The following BBX variants were observed in gnomAD, a reference collection of about 807,000 sequenced individuals.
The protein encoded by BBX is HMG box transcription factor BBX.
Under a neutral mutation model 100.2 loss-of-function variants are expected in BBX, and 30 were observed. The observed-to-expected ratio is 0.30, with a 90% CI of 0.22 to 0.41. The LOEUF is 0.41. Among genes scored for constraint, BBX ranks in the 10% least tolerant of loss-of-function variants. The pLI is 1.00. For synonymous variants in BBX, 376 were observed against 388.1 expected (o/e 0.97, Z 0.37); for missense variants, 1,023 against 1,129.8 (o/e 0.91, Z 1.35).
At position 107,713,373 on chromosome 3, in the gene BBX, C is replaced by T. The variant is rs183561046; in HGVS notation, c.162+2751C>T. 4.2e-4 allele frequency among the ~76,000 whole-genome samples: 64 copies of T among 152,234 alleles called. No individual in the cohort carries two copies. In the Middle Eastern group the frequency reaches 0.01, roughly 24 times the overall value. ...TTCATGCTGTTGTTAGAAGTTATCT[C>T]CTTAAAATACAATCTAATGATGTCC... On this transcript the variant is annotated intron_variant, in intron 4 of 17. Transcript: ENST00000325805.
intron 2 of BBX, among the ~76,000 whole-genome samples, chr3:107,581,437 T>A (rs1437407594): frequency 6.6e-6 from 1 of 151,886 alleles, no homozygotes; most frequent in African/African-American, 2.4e-5. Flanking sequence ...CTTTCATTTG[T>A]GTCATGTTCC....
At chr3:107,570,706 C>T (rs994399744) in intron 2 of BBX, among the ~76,000 whole-genome samples, 1 of 151,720 alleles carries the variant, frequency 6.6e-6, no homozygotes, top group Non-Finnish European at 1.5e-5. Context: ...AGAATTGGGA[C>T]CTGGCTTGGC....
chr3:107,577,898 C>T (rs2051925117), intron 2 of BBX, among the ~76,000 whole-genome samples: 1 of 152,002 alleles, frequency 6.6e-6, no homozygotes, highest in Non-Finnish European at 1.5e-5. Context: ...GAAGTACTGT[C>T]TTATCTCAAG....
At chr3:107,696,991 A>G (rs2060654227) in intron 3 of BBX, among the ~76,000 whole-genome samples, 2 of 151,800 alleles carry the variant, frequency 1.3e-5, no homozygotes, top group South Asian at 2.1e-4. Context: ...TGATCGCATC[A>G]GCTCCTGAGA....
chr3:107,738,695 T>C (rs1345321237), intron 7 of BBX, among the ~76,000 whole-genome samples: 1 of 152,124 alleles, frequency 6.6e-6, no homozygotes, highest in Non-Finnish European at 1.5e-5. Flanking sequence ...CAACCTTAGC[T>C]CTGGCCACTT....
intron 15 of BBX, 62 bp from the exon 16 acceptor site, chr3:107,798,461 T>C (rs2069997830): frequency 3.3e-6 from 5 of 1,498,954 alleles, no homozygotes; most frequent in Non-Finnish European, 4.6e-6. Flanking sequence ...TGTTTCCTTC[T>C]AAGAGCAATT....
chr3:107,619,535 C>CA (rs2055576803), intron 2 of BBX, among the ~76,000 whole-genome samples: 1 of 150,904 alleles, frequency 6.6e-6, no homozygotes, highest in Non-Finnish European at 1.5e-5. Context: ...TTTTGTTTAC[C>CA]ATTTTTTTTT....
At position 107,786,259 on chromosome 3, in the gene BBX, T is replaced by C. The variant is rs112246313; in HGVS notation, c.2204-3528T>C. Among the ~76,000 whole-genome samples the C allele has an allele frequency of 2.4e-3, 362 of 152,242 alleles. 1 individual carries two copies. Among genetic ancestry groups the C allele is most frequent in the African/African-American group, 8.3e-3 (344 of 41,576 alleles). On this transcript the variant is annotated intron_variant, in intron 13 of 17. Coordinates refer to ENST00000325805, the MANE Select transcript of BBX (RefSeq NM_001142568.3). ...ACACTCTCCCAAATTGATCTACAGA[T>C]TCAACCCAACCCCTCTTAGAATCCC...
intron 5 of BBX, among the ~76,000 whole-genome samples, chr3:107,719,917 G>A (rs1294228964): frequency 3.3e-5 from 5 of 152,116 alleles, no homozygotes; most frequent in Non-Finnish European, 7.4e-5. Flanking sequence ...AGGATAAATT[G>A]AGAGGATCAC....
chr3:107,548,444 GGAGAGATGTTTTT>G (rs2049402197), intron 2 of BBX, among the ~76,000 whole-genome samples: 1 of 152,078 alleles, frequency 6.6e-6, no homozygotes. Flanking sequence ...AAAACATCTG[GGAGAGATGTTTTT>G]GGGAGATGTT....
At chr3:107,665,145 C>CTA (rs2107883979) in intron 3 of BBX, among the ~76,000 whole-genome samples, 1 of 152,268 alleles carries the variant, frequency 6.6e-6, no homozygotes, top group Non-Finnish European at 1.5e-5. Context: ...AGGATCTATC[C>CTA]TATTTCCTGG....
intron 9 of BBX, among the ~76,000 whole-genome samples, chr3:107,752,633 T>C (rs1302652490): frequency 1.3e-5 from 2 of 152,170 alleles, no homozygotes; most frequent in Admixed American, 1.3e-4. Flanking sequence ...TCTTAGCACT[T>C]TAGCTGTACC....
chr3:107,594,133 G>C (rs670752), intron 2 of BBX, among the ~76,000 whole-genome samples: 1 of 151,928 alleles, frequency 6.6e-6, no homozygotes, highest in Non-Finnish European at 1.5e-5. Flanking sequence ...CCAGGTATTT[G>C]CTATTTTTCT....
At chr3:107,738,281 T>A (rs1409155797) in intron 7 of BBX, among the ~76,000 whole-genome samples, 2 of 152,054 alleles carry the variant, frequency 1.3e-5, no homozygotes, top group East Asian at 1.9e-4. Flanking sequence ...TTTTAAAAAA[T>A]TTTCTTATTG....
chr3:107,595,391 T>C (rs1232566522), intron 2 of BBX, among the ~76,000 whole-genome samples: 3 of 152,242 alleles, frequency 2.0e-5, no homozygotes, highest in Non-Finnish European at 2.9e-5. Flanking sequence ...TTTTATTTGC[T>C]ACTTCTTGAA....
intron 5 of BBX, among the ~76,000 whole-genome samples, chr3:107,721,698 TTTTA>T (rs1245069357): frequency 6.6e-6 from 1 of 152,064 alleles, no homozygotes; most frequent in Non-Finnish European, 1.5e-5. Flanking sequence ...GTCCAGGTTC[TTTTA>T]TAAACATTTA....
At chr3:107,792,413 A>G (rs1559761773) in intron 15 of BBX, among the ~76,000 whole-genome samples, 2 of 152,240 alleles carry the variant, frequency 1.3e-5, no homozygotes, top group Non-Finnish European at 1.5e-5. Flanking sequence ...GAAAATGAGA[A>G]AAAAAATGCA....
intron 2 of BBX, among the ~76,000 whole-genome samples, chr3:107,529,488 A>C (rs1234873306): frequency 6.6e-6 from 1 of 152,222 alleles, no homozygotes; most frequent in Admixed American, 6.5e-5. Flanking sequence ...GGCAGTCCTC[A>C]GTACACTGAG....
intron 2 of BBX, among the ~76,000 whole-genome samples, chr3:107,607,125 C>CA (rs2054506900): frequency 2.0e-5 from 3 of 151,836 alleles, no homozygotes; most frequent in Non-Finnish European, 2.9e-5. Flanking sequence ...GAGATGGAGT[C>CA]TCACTCTGTC....
Sources: gnomAD v4.1 joint callset for allele counts (sites outside exome capture counted in the v4.1 genomes callset) on GRCh38, gnomAD v4.1.1 for gene constraint, MANE v1.5 for transcripts, NCBI Gene and HGNC (gene_info 2026-07-23, HGNC 2026-07-21) for gene names.